Variants in ARHGAP35 observed in about 807,000 individuals in gnomAD.
The protein encoded by ARHGAP35 is rho GTPase-activating protein 35.
A neutral mutation model predicts 111.1 loss-of-function variants in ARHGAP35; 15 were observed. The ratio of observed to expected loss-of-function variants is 0.13; its 90% CI spans 0.09 to 0.21. The LOEUF (loss-of-function observed/expected upper bound fraction) is 0.21, where lower values mean the gene tolerates loss of function less well. ARHGAP35 is among the 10% of genes least tolerant of loss of function. The pLI, the probability that ARHGAP35 is intolerant of heterozygous loss-of-function variation, is 1.00. For synonymous variants in ARHGAP35, 643 were observed against 710.3 expected (o/e 0.91, Z 1.51); for missense variants, 1,262 against 1,873.0 (o/e 0.67, Z 6.02).
In ARHGAP35 at chr19:46,992,551, C is replaced by T. The variant is rs2056684910; in HGVS notation, c.4036+2876C>T. On this transcript the variant is annotated intron_variant, in intron 5 of 6. Coordinates refer to ENST00000672722, the MANE Select transcript of ARHGAP35 (RefSeq NM_004491.5). This position sits in a 1 kb window ranked among gnomAD's most constrained non-coding sequence, Gnocchi z 4.4. ...CTCCCCGTCTCTGTGACTCCCTCCT[C>T]CCTGCCTATCTGGAGTCGACCCCGT... Among the ~76,000 whole-genome samples the T allele has an allele frequency of 6.6e-6, 1 of 152,014 alleles. No homozygotes were observed. The highest frequency in any genetic ancestry group is 1.5e-5 in the Non-Finnish European group (1 of 67,998).
chr19:46,980,315 G>T (rs991734885), intron 3 of ARHGAP35, among the ~76,000 whole-genome samples: 7 of 152,188 alleles, frequency 4.6e-5, no homozygotes, highest in Non-Finnish European at 1.0e-4. Flanking sequence ...AACCCGGGAA[G>T]CGGAGGTTGC....
intron 3 of ARHGAP35, among the ~76,000 whole-genome samples, chr19:46,969,125 G>A (rs1160921893): frequency 6.6e-6 from 1 of 152,090 alleles, no homozygotes; most frequent in African/African-American, 2.4e-5. Context: ...GTTGCCAGGG[G>A]CTGCGAGAAG....
intron 1 of ARHGAP35, among the ~76,000 whole-genome samples, chr19:46,906,963 C>T (rs2056111668): frequency 6.6e-6 from 1 of 152,012 alleles, no homozygotes; most frequent in South Asian, 2.1e-4. Flanking sequence ...ATGGCACATG[C>T]CTGTAGTCCC....
At position 46,989,803 on chromosome 19, in the gene ARHGAP35, A is replaced by C. The variant is rs530484559; in HGVS notation, c.4036+128A>C. On this transcript the variant is annotated intron_variant, in intron 5 of 6. Transcript: ENST00000672722. This position sits in a 1 kb window ranked among gnomAD's most constrained non-coding sequence, Gnocchi z 5.3. Reference sequence around the variant, plus strand: ...GGTTTGAAGGACAGAGGGCAAGGGAATTAACCAGATGACAGCAATGGGACT... The same window carrying C: ...GGTTTGAAGGACAGAGGGCAAGGGACTTAACCAGATGACAGCAATGGGACT... 2 of 1,456,084 alleles carry C rather than the reference A, an allele frequency of 1.4e-6. No homozygotes were observed. The highest frequency in any genetic ancestry group is 2.8e-5 in the African/African-American group (2 of 71,766). 90.2% of individuals were successfully genotyped at this position (1,456,084 alleles called of 1,614,324 possible).
chr19:46,879,615 T>TAAATAAATAAATAAATAAATAAATAAAA (rs1381786999), intron 1 of ARHGAP35, among the ~76,000 whole-genome samples: 2 of 147,396 alleles, frequency 1.4e-5, no homozygotes, highest in East Asian at 2.0e-4. Context: ...AATAAATAAA[T>TAAATAAATAAATAAATAAATAAATAAAA]AAAAATAAAA....
chr19:46,899,737 A>AAC lies in ARHGAP35; in HGVS notation c.-188-18751_-188-18750insAC, dbSNP rs765995712. The stretch of plus-strand genomic sequence containing the variant: ...AACAAAAACAAAAACAAAAAAAAAA[A>AAC]GAAGAAGATTAACCCATAGCACTTT... On this transcript the variant is annotated intron_variant, in intron 1 of 6. Transcript: ENST00000672722. 5.5e-3 allele frequency among the ~76,000 whole-genome samples: 838 copies of AAC among 151,746 alleles called. 2 individuals carry two copies. Among genetic ancestry groups the AAC allele is most frequent in the Middle Eastern group, 0.017 (5 of 294 alleles).
At chr19:46,863,081 C>A (rs372607345) in intron 1 of ARHGAP35, among the ~76,000 whole-genome samples, 5 of 150,086 alleles carry the variant, frequency 3.3e-5, no homozygotes, top group African/African-American at 1.2e-4. Flanking sequence ...CCCCTTGTAT[C>A]CTGCCAGGCT....
chr19:46,994,621 A>G lies in ARHGAP35; in HGVS notation c.4037-4683A>G, dbSNP rs8107653. Among the ~76,000 whole-genome samples the G allele has an allele frequency of 0.63, 95,820 of 151,978 alleles. 30,835 individuals are homozygous for G. Among genetic ancestry groups the G allele is most frequent in the Middle Eastern group, 0.81 (239 of 294 alleles). ...GGATGGTGGTCAGGAGGGGAAACAG[A>G]GGCAGGGCCAGGAAGGCCTCGAGGA... is the stretch of plus-strand genomic sequence containing the variant. On this transcript the variant is annotated intron_variant, in intron 5 of 6. Transcript: ENST00000672722. The surrounding 1 kb of genome is among the most constrained non-coding windows in gnomAD (Gnocchi z 5.4).
At chr19:46,979,147 G>A (rs116701616) in intron 3 of ARHGAP35, among the ~76,000 whole-genome samples, 3,040 of 151,880 alleles carry the variant, frequency 0.02, 108 homozygotes, top group African/African-American at 0.069. Flanking sequence ...TATTGTGCTC[G>A]CGGTCTGTTT....
Position 47,004,376 on chromosome 19 carries a change from C to T in ARHGAP35, c.*3688C>T, listed in dbSNP as rs1303538466. 1 of 152,230 alleles carries T rather than the reference C, an allele frequency of 6.6e-6. No homozygotes were observed. The highest frequency in any genetic ancestry group is 2.4e-5 in the African/African-American group (1 of 41,458). The allele number at this position is 152,230 out of a possible 1,614,324, so 9.4% of individuals were successfully genotyped here. On this transcript the variant is annotated 3_prime_UTR_variant, in exon 7 of 7. Coordinates refer to ENST00000672722, the MANE Select transcript of ARHGAP35 (RefSeq NM_004491.5). ...GACAGAGCAGGAGGCGGTCTGTCAC[C>T]TCGGCCACTGCTGACCTGGGCTGGC... is the stretch of plus-strand genomic sequence containing the variant.
chr19:46,960,956 G>A (rs563421207), intron 3 of ARHGAP35, among the ~76,000 whole-genome samples: 26 of 150,682 alleles, frequency 1.7e-4, no homozygotes, highest in Admixed American at 4.6e-4. Flanking sequence ...GTGCAGTGGC[G>A]CAATCTCGGC....
chr19:46,946,931 T>G (rs2056383399), intron 3 of ARHGAP35: 2 of 152,212 alleles, frequency 1.3e-5, no homozygotes, highest in African/African-American at 4.8e-5. Flanking sequence ...GAGCCCCACC[T>G]TGGGGTATCA....
intron 1 of ARHGAP35, among the ~76,000 whole-genome samples, chr19:46,871,829 A>C (rs1428137543): frequency 6.6e-6 from 1 of 151,818 alleles, no homozygotes; most frequent in African/African-American, 2.4e-5. Flanking sequence ...AAACACAAAA[A>C]ATTAGCCAGG....
chr19:46,961,811 TCCC>T (rs2056484074), intron 3 of ARHGAP35, among the ~76,000 whole-genome samples: 1 of 152,048 alleles, frequency 6.6e-6, no homozygotes, highest in Non-Finnish European at 1.5e-5. Flanking sequence ...ACACCTGTAG[TCCC>T]AACTACTCGG....
At chr19:46,912,169 G>A (rs868754870) in intron 1 of ARHGAP35, among the ~76,000 whole-genome samples, 1 of 150,356 alleles carries the variant, frequency 6.7e-6, no homozygotes, top group South Asian at 2.1e-4. Context: ...TCAGCCTCCC[G>A]AGTAGCTAGG....
intron 3 of ARHGAP35, among the ~76,000 whole-genome samples, chr19:46,957,760 G>T (rs1226035649): frequency 6.6e-6 from 1 of 152,198 alleles, no homozygotes; most frequent in Non-Finnish European, 1.5e-5. Context: ...ACACCTGACT[G>T]TTAGTTCAGG....
chr19:46,891,943 C>A (rs958574344), intron 1 of ARHGAP35, among the ~76,000 whole-genome samples: 3 of 151,742 alleles, frequency 2.0e-5, no homozygotes, highest in African/African-American at 7.3e-5. Flanking sequence ...GAGTTCGAGA[C>A]CAGCCTGGGC....
intron 3 of ARHGAP35, among the ~76,000 whole-genome samples, chr19:46,978,748 G>GTGTGTGTGGTGGGGCA (rs2056598596): frequency 7.1e-6 from 1 of 140,880 alleles, no homozygotes; most frequent in Non-Finnish European, 1.5e-5. Flanking sequence ...TGTGTGGTGT[G>GTGTGTGTGGTGGGGCA]TGTGTGTGGT....
At chr19:46,996,472 A>C (rs546050247) in intron 5 of ARHGAP35, among the ~76,000 whole-genome samples, 1 of 151,956 alleles carries the variant, frequency 6.6e-6, no homozygotes, top group Admixed American at 6.6e-5. Flanking sequence ...AGAAGAAACA[A>C]AACCACCCGC....
Sources: allele counts gnomAD v4.1 joint callset (sites outside exome capture counted in the v4.1 genomes callset), GRCh38; gene constraint gnomAD v4.1.1; non-coding constraint Gnocchi (gnomAD v3.1); transcripts MANE v1.5; gene names NCBI Gene and HGNC (gene_info 2026-07-23, HGNC 2026-07-21).